C5orf63: variants seen among roughly 807,000 people sequenced by gnomAD.
C5orf63 encodes the protein glutaredoxin-like protein C5orf63.
In C5orf63, 18 loss-of-function variants were observed where a neutral mutation model predicts 13.3. The observed-to-expected ratio is 1.36, with a 90% CI of 0.94 to 2.01. C5orf63 has a LOEUF of 2.01. C5orf63 is among the 30% of genes most tolerant of loss of function. C5orf63 has a pLI of 0.00. For synonymous variants in C5orf63, 38 were observed against 44.7 expected, an observed-to-expected ratio of 0.85 and a Z score of 0.60; for missense variants, 118 against 127.7, an observed-to-expected ratio of 0.92 and a Z score of 0.36.
intron 3 of C5orf63, among the ~76,000 whole-genome samples, chr5:127,055,856 G>T (rs1753866063): frequency 6.6e-6 from 1 of 151,790 alleles, no homozygotes; most frequent in South Asian, 2.1e-4. Flanking sequence ...TTAGACCTGG[G>T]GTCCACAGAA....
At chr5:127,042,951 C>T (rs1460916941), downstream of C5orf63, 1 of 152,136 alleles carries the variant, frequency 6.6e-6, no homozygotes, top group African/African-American at 2.4e-5. Flanking sequence ...TAATTATAGG[C>T]TCCACACCAA....
At chr5:127,059,785 A>G (rs1754030573) in intron 2 of C5orf63, among the ~76,000 whole-genome samples, 1 of 152,090 alleles carries the variant, frequency 6.6e-6, no homozygotes, top group Non-Finnish European at 1.5e-5. Context: ...TAAGCAGCAT[A>G]AGTCCCCAGG....
chr5:127,044,768 G>C (rs1753484922), downstream of C5orf63: 1 of 114,304 alleles, frequency 8.7e-6, no homozygotes, highest in Admixed American at 9.3e-5. Context: ...CTCATTCTAT[G>C]CTTTTTTTTT....
In C5orf63 at chr5:127,051,471, T is replaced by C. The variant is rs1422210539; in HGVS notation, c.*300A>G. 1.6e-6 allele frequency: 2 copies of C among 1,233,872 alleles called. No individual in the cohort carries two copies. Among genetic ancestry groups the C allele is most frequent in the African/African-American group, 1.6e-5 (1 of 64,442 alleles). The allele number at this position is 1,233,872 out of a possible 1,614,324, so 76.4% of individuals were successfully genotyped here. On this transcript the variant is annotated 3_prime_UTR_variant, in exon 5 of 5. Transcript: ENST00000296662. The stretch of plus-strand genomic sequence containing the variant: ...CCTATAAATGGCATTGCCCAGTGAC[T>C]GTGAAGTGCTTCTCTATTAATACAA...
At chr5:127,058,801 T>C (rs920975400) in intron 3 of C5orf63, 81 bp downstream of exon 3, 12 of 888,646 alleles carry the variant, frequency 1.4e-5, no homozygotes, top group African/African-American at 1.3e-4. Context: ...GCTTATTCCA[T>C]TGCCTTTCCT....
At chr5:127,063,138 A>C (rs537611870) in intron 2 of C5orf63, among the ~76,000 whole-genome samples, 4 of 152,362 alleles carry the variant, frequency 2.6e-5, no homozygotes, top group African/African-American at 9.6e-5. Flanking sequence ...GATCACCCTG[A>C]AAGAGAAAGG....
chr5:127,057,917 CT>C (rs1753950917), intron 3 of C5orf63, among the ~76,000 whole-genome samples: 1 of 152,078 alleles, frequency 6.6e-6, no homozygotes, highest in Non-Finnish European at 1.5e-5. Flanking sequence ...TGTGATGTGC[CT>C]TATGGAGAAA....
chr5:127,059,107 A>C (rs1483445317), intron 2 of C5orf63, 105 bp from the exon 3 acceptor site: 4 of 749,280 alleles, frequency 5.3e-6, no homozygotes, highest in Admixed American at 5.0e-5. Context: ...GGGCTTCAGA[A>C]TTGTTTCTTC....
At chr5:127,064,102 G>C (rs1754228057) in intron 2 of C5orf63, among the ~76,000 whole-genome samples, 1 of 152,166 alleles carries the variant, frequency 6.6e-6, no homozygotes, top group Admixed American at 6.5e-5. Context: ...TCCCAAACAA[G>C]TGGGAACCTA....
chr5:127,045,497 G>A (rs1197698167), exon 5 of C5orf63: 1 of 152,076 alleles, frequency 6.6e-6, no homozygotes, highest in Admixed American at 6.5e-5. Flanking sequence ...AGAGACACCT[G>A]TGATTACATT....
Position 127,051,507 on chromosome 5 carries a change from T to C in C5orf63, c.*264A>G, listed in dbSNP as rs1753673974. 3 of 1,237,406 alleles carry C rather than the reference T, an allele frequency of 2.4e-6. No individual in the cohort carries two copies. In the Admixed American group the frequency reaches 1.2e-4, roughly 51 times the overall value. 76.7% of individuals were successfully genotyped at this position (1,237,406 alleles called of 1,614,324 possible). A position where few individuals can be genotyped will look rare whatever the true frequency, so the allele number is the denominator to read the frequency against. The stretch of plus-strand genomic sequence containing the variant: ...TCTCTATTAATACAAAAAGGATAAA[T>C]AAGACAAATGGACTTCTCCCTCCCT... On this transcript the variant is annotated 3_prime_UTR_variant, in exon 5 of 5. Transcript: ENST00000296662.
downstream of C5orf63, chr5:127,043,176 T>C (rs984101875): frequency 2.0e-5 from 3 of 152,236 alleles, no homozygotes; most frequent in African/African-American, 7.2e-5. Context: ...AACACTGCTT[T>C]AAATGAATAG....
intron 3 of C5orf63, among the ~76,000 whole-genome samples, chr5:127,058,020 T>C (rs927123637): frequency 1.3e-5 from 2 of 152,200 alleles, no homozygotes; most frequent in Admixed American, 6.5e-5. Flanking sequence ...CAATATATAC[T>C]AAATAAGGTA....
chr5:127,059,455 C>A (rs920211939), intron 2 of C5orf63, among the ~76,000 whole-genome samples: 1 of 152,110 alleles, frequency 6.6e-6, no homozygotes, highest in African/African-American at 2.4e-5. Context: ...GGGCCAGATG[C>A]CATGGCTCAC....
downstream of C5orf63, among the ~76,000 whole-genome samples, chr5:127,048,491 C>T (rs943372727): frequency 6.6e-6 from 1 of 152,030 alleles, no homozygotes; most frequent in African/African-American, 2.4e-5. Context: ...AAGTGACTCC[C>T]AACCTTTCTA....
intron 2 of C5orf63, among the ~76,000 whole-genome samples, chr5:127,067,785 G>C (rs1754384024): frequency 6.6e-6 from 1 of 152,122 alleles, no homozygotes; most frequent in Non-Finnish European, 1.5e-5. Context: ...CAAAAAAGAA[G>C]CCGCCTAGGT....
intron 2 of C5orf63, among the ~76,000 whole-genome samples, chr5:127,059,884 G>A (rs996672532): frequency 2.0e-5 from 3 of 151,866 alleles, no homozygotes; most frequent in Admixed American, 6.6e-5. Flanking sequence ...GGTGGCTCAC[G>A]CCTGTAATCC....
downstream of C5orf63, among the ~76,000 whole-genome samples, chr5:127,048,074 T>C (rs1018653645): frequency 5.3e-5 from 8 of 152,006 alleles, no homozygotes; most frequent in African/African-American, 1.9e-4. Context: ...TTACTGGCGA[T>C]GTCTTGCCTG....
chr5:127,062,019 G>A (rs1305530170), intron 2 of C5orf63, among the ~76,000 whole-genome samples: 9 of 152,152 alleles, frequency 5.9e-5, no homozygotes, highest in Admixed American at 5.2e-4. Context: ...GATAAGAAAA[G>A]GAAAACATTG....
Sources: gnomAD v4.1 joint callset for allele counts (sites outside exome capture counted in the v4.1 genomes callset) on GRCh38, gnomAD v4.1.1 for gene constraint, MANE v1.5 for transcripts, NCBI Gene and HGNC (gene_info 2026-07-23, HGNC 2026-07-21) for gene names.